The following LDB2 variants were observed in gnomAD, a reference collection of about 807,000 sequenced individuals.
The protein encoded by LDB2 is LIM domain binding 2, also known as LIM domain-binding protein 2.
A neutral mutation model predicts 44.3 loss-of-function variants in LDB2; 12 were observed. The observed-to-expected ratio is 0.27, with a 90% confidence interval of 0.17 to 0.44. LDB2 has a LOEUF of 0.44. Ranked by LOEUF, LDB2 falls within the 20% of genes least tolerant of loss-of-function variation. The probability of loss-of-function intolerance (pLI) is 1.00; values close to 1 mark genes in which losing one functional copy is unlikely to be tolerated. For synonymous variants in LDB2, 164 were observed against 174.8 expected, an observed-to-expected ratio of 0.94 and a Z score of 0.49; for missense variants, 344 against 473.5, an observed-to-expected ratio of 0.73 and a Z score of 2.54.
In LDB2 at chr4:16,533,193, C is replaced by T. The variant is rs1730713073; in HGVS notation, c.616-21089G>A. ...GAGCCTGAAGGAAACTAGGAAGGGACTTGGCTTTAGAGACAGACCCAGGTT... is the reference window on the plus strand; with the variant it reads ...GAGCCTGAAGGAAACTAGGAAGGGATTTGGCTTTAGAGACAGACCCAGGTT... On this transcript the variant is annotated intron_variant, in intron 5 of 7. Coordinates refer to ENST00000304523, the MANE Select transcript of LDB2 (RefSeq NM_001290.5). This position sits in a 1 kb window ranked among gnomAD's most constrained non-coding sequence, Gnocchi z 4.1. 2.6e-5 allele frequency among the ~76,000 whole-genome samples: 4 copies of T among 152,146 alleles called. No homozygotes were observed. The highest frequency in any genetic ancestry group is 2.6e-4 in the Admixed American group (4 of 15,272).
chr4:16,596,081 G>A (rs10470842), intron 2 of LDB2, among the ~76,000 whole-genome samples: 9,420 of 152,044 alleles, frequency 0.062, 963 homozygotes, highest in African/African-American at 0.21. Flanking sequence ...GGAAAAATGC[G>A]TCCAGTCATC....
intron 1 of LDB2, among the ~76,000 whole-genome samples, chr4:16,772,755 G>A (rs2109358429): frequency 6.6e-6 from 1 of 152,286 alleles, no homozygotes; most frequent in African/African-American, 2.4e-5. Flanking sequence ...TAGGAACAAT[G>A]TGTTTGCCCT....
At chr4:16,707,758 G>A (rs1754926550) in intron 2 of LDB2, among the ~76,000 whole-genome samples, 1 of 151,672 alleles carries the variant, frequency 6.6e-6, no homozygotes, top group South Asian at 2.1e-4. Context: ...CAGCTGCTCA[G>A]CCTCAGCTCA....
At chr4:16,518,275 G>C (rs531111844) in intron 5 of LDB2, among the ~76,000 whole-genome samples, 1 of 152,116 alleles carries the variant, frequency 6.6e-6, no homozygotes, top group Non-Finnish European at 1.5e-5. Context: ...CTCATTGCCC[G>C]AATCTCAGGA....
chr4:16,858,037 G>A (rs935457865), intron 1 of LDB2, among the ~76,000 whole-genome samples: 27 of 151,864 alleles, frequency 1.8e-4, no homozygotes, highest in African/African-American at 6.1e-4. Flanking sequence ...TCACAAGATT[G>A]ATATTAATAA....
chr4:16,676,961 G>C (rs956642512), intron 2 of LDB2, among the ~76,000 whole-genome samples: 1 of 152,138 alleles, frequency 6.6e-6, no homozygotes, highest in Non-Finnish European at 1.5e-5. Context: ...CCTGCTTTTT[G>C]GTATTTGAGT....
intron 2 of LDB2, among the ~76,000 whole-genome samples, chr4:16,672,823 C>CTTT (rs1745178436): frequency 2.3e-5 from 2 of 87,766 alleles, no homozygotes; most frequent in African/African-American, 9.6e-5. Flanking sequence ...TGCCTGCCTG[C>CTTT]CTGCCTTCTT....
intron 2 of LDB2, among the ~76,000 whole-genome samples, chr4:16,630,182 C>T (rs535621927): frequency 6.6e-6 from 1 of 152,248 alleles, no homozygotes; most frequent in African/African-American, 2.4e-5. Context: ...TAAAGGCAGC[C>T]AGAGATAAAG....
intron 1 of LDB2, among the ~76,000 whole-genome samples, chr4:16,859,246 A>C (rs530486745): frequency 6.6e-6 from 1 of 152,192 alleles, no homozygotes; most frequent in East Asian, 1.9e-4. Flanking sequence ...AAAAAGAAAA[A>C]TGACTTGTCC....
intron 1 of LDB2, among the ~76,000 whole-genome samples, chr4:16,813,771 G>T (rs1039715327): frequency 2.4e-4 from 37 of 152,120 alleles, no homozygotes; most frequent in Non-Finnish European, 4.4e-4. Context: ...ATTAATTATG[G>T]AGTTATTTCC....
intron 1 of LDB2, among the ~76,000 whole-genome samples, chr4:16,823,235 A>T (rs1782442360): frequency 6.6e-6 from 1 of 152,234 alleles, no homozygotes; most frequent in African/African-American, 2.4e-5. Context: ...AGATCAGAGT[A>T]TGAAGTCAAG....
chr4:16,557,643 G>A (rs1045224488), intron 5 of LDB2, among the ~76,000 whole-genome samples: 1 of 152,258 alleles, frequency 6.6e-6, no homozygotes, highest in Non-Finnish European at 1.5e-5. Context: ...GCAGGGCACA[G>A]ACAAACAAAA....
At chr4:16,734,057 C>T (rs540538200) in intron 2 of LDB2, among the ~76,000 whole-genome samples, 2 of 152,256 alleles carry the variant, frequency 1.3e-5, no homozygotes, top group East Asian at 3.9e-4. Context: ...TTTGACTTGG[C>T]CATCATTTTC....
At chr4:16,673,438 G>C (rs889379458) in intron 2 of LDB2, among the ~76,000 whole-genome samples, 1 of 152,168 alleles carries the variant, frequency 6.6e-6, no homozygotes, top group African/African-American at 2.4e-5. Context: ...GTGGGATTTT[G>C]TGTCGCTTTT....
chr4:16,850,151 G>A (rs1302875725), intron 1 of LDB2, among the ~76,000 whole-genome samples: 5 of 152,138 alleles, frequency 3.3e-5, no homozygotes, highest in Non-Finnish European at 7.3e-5. Context: ...CTTGTGTAAG[G>A]AGAAAGTCGG....
intron 7 of LDB2, among the ~76,000 whole-genome samples, chr4:16,507,752 A>G (rs1720108301): frequency 6.6e-6 from 1 of 152,168 alleles, no homozygotes; most frequent in Non-Finnish European, 1.5e-5. Flanking sequence ...CAAAGTACTT[A>G]AAGGAGATAG....
In LDB2 at chr4:16,582,410, C is replaced by T. The variant is rs902685792; in HGVS notation, c.615+3512G>A. 2.0e-5 allele frequency among the ~76,000 whole-genome samples: 3 copies of T among 152,280 alleles called. 1 individual carries two copies. On this transcript the variant is annotated intron_variant, in intron 5 of 7. Transcript: ENST00000304523. This position sits in a 1 kb window ranked among gnomAD's most constrained non-coding sequence, Gnocchi z 4.8. ...TTGGATCCCTTCATAAAATGCCAGG[C>T]GGACAACAGGACTTCTGCTTCCCAA...
chr4:16,870,988 T>C (rs1385558446), intron 1 of LDB2, among the ~76,000 whole-genome samples: 1 of 152,210 alleles, frequency 6.6e-6, no homozygotes, highest in Non-Finnish European at 1.5e-5. Context: ...CTGCATACAC[T>C]GCTTCCTCTG....
chr4:16,681,284 G>A (rs1482285385), intron 2 of LDB2, among the ~76,000 whole-genome samples: 1 of 152,190 alleles, frequency 6.6e-6, no homozygotes, highest in Non-Finnish European at 1.5e-5. Flanking sequence ...GCTGAGAGGT[G>A]TCCCTGGCCA....
Sources: gnomAD v4.1 joint callset for allele counts (sites outside exome capture counted in the v4.1 genomes callset) on GRCh38, gnomAD v4.1.1 for gene constraint, Gnocchi (gnomAD v3.1) non-coding constraint, MANE v1.5 for transcripts, NCBI Gene and HGNC (gene_info 2026-07-23, HGNC 2026-07-21) for gene names.